ADAMTSL3: variants seen among roughly 807,000 people sequenced by gnomAD.
ADAMTSL3 encodes ADAMTS like 3.
Under a neutral mutation model 201.7 loss-of-function variants are expected in ADAMTSL3, and 128 were observed. The observed-to-expected ratio is 0.63, with a 90% CI of 0.55 to 0.73. The LOEUF is 0.73. Among genes scored for constraint, ADAMTSL3 ranks in the 30% least tolerant of loss-of-function variants. The probability of loss-of-function intolerance (pLI) is 0.00; values close to 1 mark genes in which losing one functional copy is unlikely to be tolerated. For synonymous variants in ADAMTSL3, 738 were observed against 748.4 expected, an observed-to-expected ratio of 0.99 and a Z score of 0.23; for missense variants, 1,990 against 2,119.6, an observed-to-expected ratio of 0.94 and a Z score of 1.20.
intron 11 of ADAMTSL3, chr15:83,890,583 G>T: frequency 4.8e-6 from 1 of 209,252 alleles, no homozygotes; most frequent in South Asian, 1.6e-4. Context: ...TTTTAAACTG[G>T]GTCACTCATT....
chr15:83,685,368 C>T (rs1343245413), intron 2 of ADAMTSL3, among the ~76,000 whole-genome samples: 1 of 152,002 alleles, frequency 6.6e-6, no homozygotes, highest in African/African-American at 2.4e-5. Flanking sequence ...GACAGCAGGG[C>T]TTTTGGTCTC....
At chr15:83,818,887 C>T (rs1258765676) in intron 5 of ADAMTSL3, among the ~76,000 whole-genome samples, 3 of 152,182 alleles carry the variant, frequency 2.0e-5, no homozygotes, top group African/African-American at 7.2e-5. Flanking sequence ...GCTATGTTTT[C>T]TGCCGTCCAT....
At chr15:83,909,804 C>T (rs752233710) in intron 15 of ADAMTSL3, among the ~76,000 whole-genome samples, 18 of 151,920 alleles carry the variant, frequency 1.2e-4, no homozygotes, top group Non-Finnish European at 2.4e-4. Context: ...TTAGTAGAGA[C>T]GGAATCTCAG....
At chr15:83,858,925 C>G in intron 8 of ADAMTSL3, 85 bp downstream of exon 8, 1 of 1,190,036 alleles carries the variant, frequency 8.4e-7, no homozygotes, top group Non-Finnish European at 1.2e-6. Flanking sequence ...ACCCACAAAC[C>G]AAACCAACAA....
chr15:83,809,130 G>A (rs2063652768), intron 5 of ADAMTSL3, among the ~76,000 whole-genome samples: 1 of 152,086 alleles, frequency 6.6e-6, no homozygotes, highest in African/African-American at 2.4e-5. Context: ...CCAGAAGAGA[G>A]GATCTCGAAT....
At chr15:83,758,986 TA>T (rs1444305860) in intron 3 of ADAMTSL3, among the ~76,000 whole-genome samples, 1 of 152,194 alleles carries the variant, frequency 6.6e-6, no homozygotes, top group African/African-American at 2.4e-5. Flanking sequence ...TGGGATTTTG[TA>T]GGCACTGCTT....
At chr15:83,998,435 C>T (rs914462236) in intron 23 of ADAMTSL3, among the ~76,000 whole-genome samples, 5 of 151,730 alleles carry the variant, frequency 3.3e-5, no homozygotes, top group Admixed American at 6.6e-5. Flanking sequence ...GGCGACAGAG[C>T]GAGACTCCAT....
intron 20 of ADAMTSL3, among the ~76,000 whole-genome samples, chr15:83,976,018 G>A (rs1417742456): frequency 2.0e-5 from 3 of 152,166 alleles, no homozygotes; most frequent in Non-Finnish European, 4.4e-5. Context: ...CATGAGAGTA[G>A]AAGCAATGGG....
At chr15:83,821,771 C>T (rs941394022) in intron 6 of ADAMTSL3, among the ~76,000 whole-genome samples, 4 of 151,502 alleles carry the variant, frequency 2.6e-5, no homozygotes, top group South Asian at 2.1e-4. Flanking sequence ...ACCTCCCAGA[C>T]GGGGTGGTGG....
chr15:83,943,777 G>A (rs2066606674), intron 19 of ADAMTSL3, among the ~76,000 whole-genome samples: 1 of 152,146 alleles, frequency 6.6e-6, no homozygotes. Flanking sequence ...CCCATCTCCA[G>A]ACTAGCTAAC....
intron 19 of ADAMTSL3, among the ~76,000 whole-genome samples, chr15:83,951,789 T>G (rs1454823709): frequency 6.6e-6 from 1 of 152,160 alleles, no homozygotes; most frequent in African/African-American, 2.4e-5. Context: ...ATTTTCTAAT[T>G]TATTGATATG....
chr15:83,933,398 G>A (rs1432409377), intron 17 of ADAMTSL3, among the ~76,000 whole-genome samples: 1 of 152,144 alleles, frequency 6.6e-6, no homozygotes, highest in Non-Finnish European at 1.5e-5. Context: ...TTTCTAAGAA[G>A]CAAAGCATTC....
chr15:83,813,230 C>T (rs1040641869), intron 5 of ADAMTSL3, among the ~76,000 whole-genome samples: 3 of 152,182 alleles, frequency 2.0e-5, no homozygotes, highest in Non-Finnish European at 2.9e-5. Flanking sequence ...CAGGGAAGAG[C>T]AGGGAATTAA....
At chr15:83,875,807 T>TA (rs2065166374) in intron 9 of ADAMTSL3, among the ~76,000 whole-genome samples, 1 of 150,276 alleles carries the variant, frequency 6.7e-6, no homozygotes, top group Admixed American at 6.6e-5. Flanking sequence ...ATAAAATAAA[T>TA]AAAAAAAAGA....
chr15:83,832,881 C>G (rs540109627), intron 6 of ADAMTSL3, among the ~76,000 whole-genome samples: 100 of 152,254 alleles, frequency 6.6e-4, no homozygotes, highest in African/African-American at 2.3e-3. Context: ...CTTTGGAGGT[C>G]TGATTTGTAT....
chr15:83,894,803 AC>A (rs1265710911), intron 13 of ADAMTSL3, among the ~76,000 whole-genome samples: 1 of 143,830 alleles, frequency 7.0e-6, no homozygotes, highest in Non-Finnish European at 1.5e-5. Flanking sequence ...TAATTTTAAT[AC>A]ACAGTCAAAA....
At chr15:83,852,505 TACA>T (rs922835914) in intron 7 of ADAMTSL3, among the ~76,000 whole-genome samples, 2 of 152,350 alleles carry the variant, frequency 1.3e-5, no homozygotes, top group East Asian at 1.9e-4. Flanking sequence ...CTCTCAGTGT[TACA>T]ACAACTTTGT....
At chr15:83,716,744 G>A (rs2062025731) in intron 3 of ADAMTSL3, among the ~76,000 whole-genome samples, 1 of 151,954 alleles carries the variant, frequency 6.6e-6, no homozygotes, top group Non-Finnish European at 1.5e-5. Context: ...GAATCAGACT[G>A]TTCTTTGTTT....
chr15:83,839,653 C>T (rs1404402163), intron 7 of ADAMTSL3, among the ~76,000 whole-genome samples: 1 of 151,956 alleles, frequency 6.6e-6, no homozygotes, highest in Admixed American at 6.6e-5. Context: ...TCTAGGGTAG[C>T]GTGGGAGGAA....
Sources: allele counts gnomAD v4.1 joint callset (sites outside exome capture counted in the v4.1 genomes callset), GRCh38; gene constraint gnomAD v4.1.1; transcripts MANE v1.5; gene names NCBI Gene and HGNC (gene_info 2026-07-23, HGNC 2026-07-21).